The following ITPR2 variants were observed in gnomAD, a reference collection of about 807,000 sequenced individuals.
ITPR2 encodes inositol 1,4,5-trisphosphate-gated calcium channel ITPR2.
A neutral mutation model predicts 317.1 loss-of-function variants in ITPR2; 207 were observed. That is an observed-to-expected ratio of 0.65 (90% CI 0.58 to 0.73). ITPR2 has a LOEUF of 0.73. Among genes scored for constraint, ITPR2 ranks in the 30% least tolerant of loss-of-function variants. The pLI is 0.00. For synonymous variants in ITPR2, 1,156 were observed against 1,149.1 expected, an observed-to-expected ratio of 1.01 and a Z score of -0.12; for missense variants, 2,613 against 3,284.0, an observed-to-expected ratio of 0.80 and a Z score of 4.99.
At chr12:26,471,111 T>C (rs750073969) in intron 45 of ITPR2, among the ~76,000 whole-genome samples, 3 of 152,214 alleles carry the variant, frequency 2.0e-5, no homozygotes, top group Non-Finnish European at 2.9e-5. Flanking sequence ...CCAGGAGTTA[T>C]TTTTGCTTCC....
At chr12:26,682,533 G>A in intron 12 of ITPR2, 41 bp downstream of exon 12, 1 of 1,239,334 alleles carries the variant, frequency 8.1e-7, no homozygotes, top group Non-Finnish European at 1.2e-6. Context: ...CTATTCTCAT[G>A]GCATTTGGCT....
chr12:26,523,989 T>G (rs1369293523), intron 37 of ITPR2, among the ~76,000 whole-genome samples: 1 of 152,208 alleles, frequency 6.6e-6, no homozygotes, highest in Non-Finnish European at 1.5e-5. Context: ...AGTGTGCACA[T>G]GTACTGTCAC....
intron 2 of ITPR2, among the ~76,000 whole-genome samples, chr12:26,730,382 A>C (rs1949005647): frequency 1.3e-5 from 2 of 152,182 alleles, no homozygotes; most frequent in Admixed American, 1.3e-4. Context: ...TAGAGGTGTA[A>C]TACTGTTAAG....
intron 54 of ITPR2, among the ~76,000 whole-genome samples, chr12:26,390,765 TAACAAC>T (rs769938096): frequency 1.3e-5 from 2 of 151,962 alleles, no homozygotes; most frequent in East Asian, 1.9e-4. Flanking sequence ...ATAGAGCTAT[TAACAAC>T]AACAACAACA....
intron 13 of ITPR2, among the ~76,000 whole-genome samples, chr12:26,669,755 C>T (rs1031464534): frequency 6.6e-6 from 1 of 152,256 alleles, no homozygotes; most frequent in Non-Finnish European, 1.5e-5. Context: ...CATTGCCTCA[C>T]TCAGGAAGCG....
intron 10 of ITPR2, among the ~76,000 whole-genome samples, chr12:26,692,174 C>A (rs1177480189): frequency 6.6e-6 from 1 of 152,154 alleles, no homozygotes; most frequent in African/African-American, 2.4e-5. Context: ...ACAAAGTTCC[C>A]TGGTTCCTGG....
intron 46 of ITPR2, among the ~76,000 whole-genome samples, chr12:26,441,054 G>C (rs1398891155): frequency 6.6e-6 from 1 of 151,784 alleles, no homozygotes; most frequent in Non-Finnish European, 1.5e-5. Flanking sequence ...TAGTAATCAT[G>C]ATGGCTCTTC....
chr12:26,703,597 T>C (rs1021645142), intron 9 of ITPR2, among the ~76,000 whole-genome samples: 1 of 152,220 alleles, frequency 6.6e-6, no homozygotes, highest in Admixed American at 6.5e-5. Context: ...AAAATAAAAA[T>C]GTCTCTAGAC....
intron 8 of ITPR2, among the ~76,000 whole-genome samples, chr12:26,711,474 A>G (rs1592060763): frequency 6.6e-6 from 1 of 152,230 alleles, no homozygotes; most frequent in Admixed American, 6.5e-5. Flanking sequence ...TCGTGCATGC[A>G]TGACACTTGT....
Position 26,415,246 on chromosome 12 carries a change from C to CT in ITPR2, c.7306+56dup. 3 of 1,119,066 alleles carry CT rather than the reference C, an allele frequency of 2.7e-6. No individual in the cohort carries two copies. The South Asian group carries it at 4.7e-5, about 18-fold the overall frequency. 69.3% of individuals were successfully genotyped at this position (1,119,066 alleles called of 1,614,324 possible). ...GTTTATCTATGATCCTGTTAACAAGCTACACACAAGTCATATCTGCCATCA... is the reference window on the plus strand; with the variant it reads ...GTTTATCTATGATCCTGTTAACAAGCTTACACACAAGTCATATCTGCCATCA... On this transcript the variant is annotated intron_variant, in intron 51 of 56. Coordinates refer to ENST00000381340, the MANE Select transcript of ITPR2 (RefSeq NM_002223.4).
At chr12:26,466,246 C>T (rs573530780) in intron 45 of ITPR2, among the ~76,000 whole-genome samples, 1 of 152,328 alleles carries the variant, frequency 6.6e-6, no homozygotes, top group Non-Finnish European at 1.5e-5. Context: ...TCATCTGTTG[C>T]GTTCTGCAGA....
chr12:26,591,613 T>G (rs1036764868), intron 32 of ITPR2, among the ~76,000 whole-genome samples: 30 of 151,950 alleles, frequency 2.0e-4, no homozygotes, highest in Admixed American at 7.2e-4. Flanking sequence ...GTGGATCACT[T>G]GAGGTCAGGA....
chr12:26,764,621 T>C (rs2137132850), intron 2 of ITPR2, among the ~76,000 whole-genome samples: 1 of 151,898 alleles, frequency 6.6e-6, no homozygotes. Flanking sequence ...GTATAATAAA[T>C]AAATAAACCA....
rs142813033 is a variant in ITPR2 at position 26,390,186 on chromosome 12, T to C, written c.7697-2592A>G. Among the ~76,000 whole-genome samples, 525 of 152,350 alleles carry C rather than the reference T, an allele frequency of 3.4e-3. 7 individuals are homozygous for C. Among genetic ancestry groups the C allele is most frequent in the African/African-American group, 0.012 (505 of 41,586 alleles). ...ATGTAAAATGGTGCAGCAGCTACTT[T>C]GGAAAACAGTTTGGCAATTCCTCAA... On this transcript the variant is annotated intron_variant, in intron 54 of 56. Coordinates refer to ENST00000381340, the MANE Select transcript of ITPR2 (RefSeq NM_002223.4).
intron 37 of ITPR2, among the ~76,000 whole-genome samples, chr12:26,522,853 C>A (rs530139156): frequency 6.6e-6 from 1 of 152,272 alleles, no homozygotes; most frequent in Admixed American, 6.5e-5. Context: ...GGGGGGGAAC[C>A]CCACAACAAC....
chr12:26,647,092 T>G (rs760751275), intron 21 of ITPR2, among the ~76,000 whole-genome samples: 2 of 152,238 alleles, frequency 1.3e-5, no homozygotes, highest in East Asian at 3.8e-4. Flanking sequence ...ACAGTAATTA[T>G]GCCCAAAGTT....
chr12:26,667,210 A>G (rs1190748292), intron 13 of ITPR2, among the ~76,000 whole-genome samples: 1 of 152,220 alleles, frequency 6.6e-6, no homozygotes, highest in Non-Finnish European at 1.5e-5. Flanking sequence ...TCAGTTGGAA[A>G]ACATCTCTTT....
chr12:26,335,853 G>C lies in ITPR2; in HGVS notation c.*3544C>G, dbSNP rs751387486. 1.3e-5 allele frequency: 2 copies of C among 152,208 alleles called. No homozygotes were observed. The highest frequency in any genetic ancestry group is 2.4e-5 in the African/African-American group (1 of 41,448). 9.4% of individuals were successfully genotyped at this position (152,208 alleles called of 1,614,324 possible). On this transcript the variant is annotated 3_prime_UTR_variant, in exon 57 of 57. Transcript: ENST00000381340. Reference sequence around the variant, plus strand: ...TGCAGGCATCTGTGTTTGTGCTGAAGATGTCTGTCTCCTCTGCGGTGCACC... The same window carrying C: ...TGCAGGCATCTGTGTTTGTGCTGAACATGTCTGTCTCCTCTGCGGTGCACC...
chr12:26,695,089 C>G (rs1948314321), intron 10 of ITPR2, among the ~76,000 whole-genome samples: 1 of 152,104 alleles, frequency 6.6e-6, no homozygotes, highest in South Asian at 2.1e-4. Flanking sequence ...AGTAATAATA[C>G]CTACCAATTT....
Sources: allele counts gnomAD v4.1 joint callset (sites outside exome capture counted in the v4.1 genomes callset), GRCh38; gene constraint gnomAD v4.1.1; transcripts MANE v1.5; gene names NCBI Gene and HGNC (gene_info 2026-07-23, HGNC 2026-07-21).